FGF7: variants seen among roughly 807,000 people sequenced by gnomAD.
FGF7 encodes the protein FGF-7.
In FGF7, 6 loss-of-function variants were observed where a neutral mutation model predicts 20.5. The observed-to-expected ratio is 0.29, with a 90% CI of 0.16 to 0.58. The LOEUF (loss-of-function observed/expected upper bound fraction) is 0.58. Among genes scored for constraint, FGF7 ranks in the 20% least tolerant of loss-of-function variants. The pLI is 0.90. For synonymous variants in FGF7, 64 were observed against 74.7 expected, an observed-to-expected ratio of 0.86 and a Z score of 0.74; for missense variants, 144 against 228.8, an observed-to-expected ratio of 0.63 and a Z score of 2.39.
intron 2 of FGF7, among the ~76,000 whole-genome samples, chr15:49,451,448 T>A (rs1469699779): frequency 2.0e-5 from 3 of 152,100 alleles, no homozygotes; most frequent in Non-Finnish European, 2.9e-5. Context: ...GACAGACATA[T>A]ATGTATATAT....
At chr15:49,455,487 T>C (rs888886046) in intron 2 of FGF7, among the ~76,000 whole-genome samples, 1 of 152,166 alleles carries the variant, frequency 6.6e-6, no homozygotes, top group African/African-American at 2.4e-5. Context: ...ATAATGGGCA[T>C]GATACCATAC....
At chr15:49,439,517 T>C (rs1251975713) in intron 2 of FGF7, among the ~76,000 whole-genome samples, 2 of 151,756 alleles carry the variant, frequency 1.3e-5, no homozygotes, top group African/African-American at 4.8e-5. Context: ...CTACCATGCA[T>C]GGTTTTTGCA....
At chr15:49,427,948 CACTT>C (rs2050268550) in intron 2 of FGF7, among the ~76,000 whole-genome samples, 1 of 151,940 alleles carries the variant, frequency 6.6e-6, no homozygotes, top group African/African-American at 2.4e-5. Flanking sequence ...GTGAGGTTGT[CACTT>C]ACTTTAGTCT....
At chr15:49,476,990 G>A (rs1467265355) in intron 2 of FGF7, among the ~76,000 whole-genome samples, 61 of 151,824 alleles carry the variant, frequency 4.0e-4, no homozygotes, top group Non-Finnish European at 4.4e-5. Flanking sequence ...AACCTGGGAG[G>A]CGGAGCTTGC....
chr15:49,469,018 G>A (rs1162366338), intron 2 of FGF7, among the ~76,000 whole-genome samples: 1 of 152,074 alleles, frequency 6.6e-6, no homozygotes, highest in Admixed American at 6.5e-5. Context: ...ACAGCTACAT[G>A]TTTTATGTAT....
chr15:49,430,163 T>C (rs142155726), intron 2 of FGF7, among the ~76,000 whole-genome samples: 58 of 152,056 alleles, frequency 3.8e-4, no homozygotes, highest in African/African-American at 1.3e-3. Flanking sequence ...ATGTACGTGA[T>C]GATAGCTCTG....
Position 49,465,720 on chromosome 15 carries a change from TTTAA to T in FGF7, c.287-17426_287-17423del, listed in dbSNP as rs534607494. Among the ~76,000 whole-genome samples the T allele has an allele frequency of 1.8e-4, 27 of 152,306 alleles. 1 individual carries two copies. Among genetic ancestry groups the T allele is most frequent in the Middle Eastern group, 3.4e-3 (1 of 294 alleles). ...AATTAACCAAGGAATTTTGTGCTTA[TTTAA>T]TTAAACTCCAAAATGTAATGAAAAT... On this transcript the variant is annotated intron_variant, in intron 2 of 3. Transcript: ENST00000267843.
intron 2 of FGF7, among the ~76,000 whole-genome samples, chr15:49,436,440 T>A (rs559469270): frequency 6.6e-6 from 1 of 151,694 alleles, no homozygotes; most frequent in Admixed American, 6.6e-5. Context: ...ACTAAAAGAC[T>A]GTGTAGAGGA....
intron 2 of FGF7, among the ~76,000 whole-genome samples, chr15:49,467,734 A>T (rs758889262): frequency 2.2e-4 from 33 of 152,152 alleles, no homozygotes; most frequent in South Asian, 2.1e-4. Context: ...AAAAGTTTAG[A>T]ATCTTTAGTG....
chr15:49,429,407 T>G (rs957185078), intron 2 of FGF7, among the ~76,000 whole-genome samples: 1 of 152,014 alleles, frequency 6.6e-6, no homozygotes, highest in African/African-American at 2.4e-5. Flanking sequence ...CTGGCACTTA[T>G]GAAGTGCTAA....
intron 2 of FGF7, among the ~76,000 whole-genome samples, chr15:49,456,027 A>G (rs973190966): frequency 1.3e-5 from 2 of 152,166 alleles, no homozygotes; most frequent in African/African-American, 4.8e-5. Flanking sequence ...ATGCTGTTAC[A>G]TGCTTTAATG....
At chr15:49,449,541 G>C (rs977414368) in intron 2 of FGF7, among the ~76,000 whole-genome samples, 3 of 151,858 alleles carry the variant, frequency 2.0e-5, no homozygotes, top group Non-Finnish European at 4.4e-5. Context: ...GCACAGGGTG[G>C]GGCCAGAATC....
chr15:49,450,080 G>A (rs2052585640), intron 2 of FGF7, among the ~76,000 whole-genome samples: 1 of 152,082 alleles, frequency 6.6e-6, no homozygotes. Context: ...CCATAAGACT[G>A]AGAAGAAACA....
intron 2 of FGF7, among the ~76,000 whole-genome samples, chr15:49,463,889 A>AAAC (rs1362699866): frequency 6.6e-6 from 1 of 152,086 alleles, no homozygotes; most frequent in Non-Finnish European, 1.5e-5. Flanking sequence ...AGACTACTTC[A>AAAC]AACTGATTTG....
intron 2 of FGF7, among the ~76,000 whole-genome samples, chr15:49,446,551 G>C (rs2052232933): frequency 6.6e-6 from 1 of 151,404 alleles, no homozygotes; most frequent in Non-Finnish European, 1.5e-5. Context: ...AGGTGCATTT[G>C]CTTGAAGGAA....
intron 2 of FGF7, among the ~76,000 whole-genome samples, chr15:49,442,404 G>C (rs551949743): frequency 6.6e-6 from 1 of 151,670 alleles, no homozygotes; most frequent in African/African-American, 2.4e-5. Context: ...CCTTGTGAGA[G>C]TAAAATGTGA....
intron 2 of FGF7, among the ~76,000 whole-genome samples, chr15:49,481,778 T>C (rs2055970167): frequency 6.6e-6 from 1 of 152,202 alleles, no homozygotes; most frequent in Non-Finnish European, 1.5e-5. Context: ...ATTTGCATTT[T>C]CTTAATAAAA....
At chr15:49,473,773 A>G (rs1262078292) in intron 2 of FGF7, among the ~76,000 whole-genome samples, 1 of 152,106 alleles carries the variant, frequency 6.6e-6, no homozygotes, top group African/African-American at 2.4e-5. Context: ...CCAAAACTAG[A>G]TTTTGTCATC....
intron 2 of FGF7, among the ~76,000 whole-genome samples, chr15:49,445,670 GA>G (rs548823423): frequency 1.3e-5 from 2 of 151,322 alleles, no homozygotes; most frequent in South Asian, 2.1e-4. Context: ...TCAATTGAAA[GA>G]AAAAAATAAA....
Sources: allele counts gnomAD v4.1 joint callset (sites outside exome capture counted in the v4.1 genomes callset), GRCh38; gene constraint gnomAD v4.1.1; transcripts MANE v1.5; gene names NCBI Gene and HGNC (gene_info 2026-07-23, HGNC 2026-07-21).